TNNI3K: variants seen among roughly 807,000 people sequenced by gnomAD.
The protein encoded by TNNI3K is serine/threonine-protein kinase TNNI3K.
In TNNI3K, 140 loss-of-function variants were observed where a neutral mutation model predicts 114.5. The ratio of observed to expected loss-of-function variants is 1.22; its 90% CI spans 1.07 to 1.41. The LOEUF (loss-of-function observed/expected upper bound fraction) is 1.41. Among genes scored for constraint, TNNI3K ranks in the 40% most tolerant of loss-of-function variants. The probability of loss-of-function intolerance (pLI) is 0.00; values close to 1 mark genes in which losing one functional copy is unlikely to be tolerated. For missense variants in TNNI3K, 1,125 were observed against 1,007.6 expected (o/e 1.12, Z -1.58); for synonymous variants, 347 against 347.5 (o/e 1.00, Z 0.02).
intron 21 of TNNI3K, among the ~76,000 whole-genome samples, chr1:74,474,803 C>G (rs1668109770): frequency 6.6e-6 from 1 of 151,974 alleles, no homozygotes; most frequent in Non-Finnish European, 1.5e-5. Flanking sequence ...TCATCCCTGA[C>G]AGCTCAGCAA....
chr1:74,281,081 G>A (rs1466581247), intron 5 of TNNI3K, among the ~76,000 whole-genome samples: 2 of 152,120 alleles, frequency 1.3e-5, no homozygotes, highest in African/African-American at 4.8e-5. Context: ...GGACAGAAGG[G>A]AACCCAGTGC....
intron 17 of TNNI3K, chr1:74,373,332 T>A (rs940966511): frequency 1.3e-5 from 2 of 151,930 alleles, no homozygotes; most frequent in African/African-American, 4.8e-5. Flanking sequence ...GCATTAATCT[T>A]TTCTCAGGCT....
chr1:74,470,000 C>A (rs1032111467), intron 21 of TNNI3K: 8 of 400,580 alleles, frequency 2.0e-5, no homozygotes, highest in African/African-American at 1.6e-4. Flanking sequence ...TCATTTTCTG[C>A]CTCAAAACTG....
rs45606732 is a variant in TNNI3K at position 74,543,970 on chromosome 1, G to A, written c.2496G>A (p.Glu832=). The change falls in exon 25 of 25, where the codon GAG becomes GAA. Residue 832 remains glutamate, a synonymous_variant. Coordinates refer to ENST00000326637, the MANE Select transcript of TNNI3K (RefSeq NM_015978.3). The part of the protein sequence containing the change: ...FHSCRNSSSF[E]DSS ...CTTGCCGAAATAGTAGCAGCTTTGA[G>A]GACAGCAGCTGACAGCATTCGGCGT... is the stretch of plus-strand genomic sequence containing the variant. 4.8e-5 allele frequency: 77 copies of A among 1,612,952 alleles called. No homozygotes were observed. In the African/African-American group the frequency reaches 8.3e-4, roughly 17 times the overall value.
At chr1:74,391,957 ATTTTTTTT>A (rs34656417) in intron 17 of TNNI3K, among the ~76,000 whole-genome samples, 1 of 92,990 alleles carries the variant, frequency 1.1e-5, no homozygotes, top group Non-Finnish European at 2.2e-5. Flanking sequence ...ACAGCTTATT[ATTTTTTTT>A]TTTTTTTTTT....
At chr1:74,291,447 G>A (rs1315230826) in intron 5 of TNNI3K, among the ~76,000 whole-genome samples, 2 of 151,502 alleles carry the variant, frequency 1.3e-5, no homozygotes, top group African/African-American at 4.8e-5. Flanking sequence ...TACAAGGGAA[G>A]GTTCTAAGCA....
chr1:74,380,973 AT>A (rs1317452907), intron 17 of TNNI3K, among the ~76,000 whole-genome samples: 1 of 152,132 alleles, frequency 6.6e-6, no homozygotes, highest in Non-Finnish European at 1.5e-5. Context: ...ATAAGTGGAA[AT>A]TTGTTTCTAA....
intron 17 of TNNI3K, among the ~76,000 whole-genome samples, chr1:74,387,181 A>T (rs1361590): frequency 0.083 from 12,679 of 152,222 alleles, 555 homozygotes; most frequent in Non-Finnish European, 0.1. Context: ...TTTATGATAC[A>T]TGTTTTCTAT....
chr1:74,351,547 T>G (rs557794095), intron 9 of TNNI3K, among the ~76,000 whole-genome samples: 1 of 152,334 alleles, frequency 6.6e-6, no homozygotes, highest in African/African-American at 2.4e-5. Context: ...TCCTGGATAA[T>G]ATCCTGCAGA....
At chr1:74,405,662 G>C (rs1162062266) in intron 17 of TNNI3K, among the ~76,000 whole-genome samples, 2 of 152,080 alleles carry the variant, frequency 1.3e-5, no homozygotes, top group African/African-American at 4.8e-5. Flanking sequence ...GATTAAAGAG[G>C]CTAGTTAGAT....
intron 5 of TNNI3K, among the ~76,000 whole-genome samples, chr1:74,282,929 A>G (rs941076125): frequency 2.0e-5 from 3 of 152,202 alleles, no homozygotes; most frequent in Non-Finnish European, 2.9e-5. Context: ...AGGGCCAAAT[A>G]TGCCAGCCGA....
intron 21 of TNNI3K, among the ~76,000 whole-genome samples, chr1:74,483,687 GT>G (rs1668611227): frequency 1.3e-5 from 2 of 152,156 alleles, no homozygotes; most frequent in Admixed American, 1.3e-4. Flanking sequence ...ATCTTACTTA[GT>G]TCTTTTAATT....
At chr1:74,353,440 G>T in intron 10 of TNNI3K, 80 bp downstream of exon 10, 1 of 1,493,052 alleles carries the variant, frequency 6.7e-7, no homozygotes, top group Non-Finnish European at 9.2e-7. Context: ...GGATGTGGGG[G>T]CATTGGGAGT....
At chr1:74,367,216 A>C (rs1444406204) in intron 11 of TNNI3K, 40 bp from the exon 12 acceptor site, 1 of 1,603,160 alleles carries the variant, frequency 6.2e-7, no homozygotes, top group Non-Finnish European at 8.5e-7. Flanking sequence ...TAACTTAAAC[A>C]AAATTTAGGA....
At chr1:74,261,347 G>A (rs893699425) in intron 4 of TNNI3K, among the ~76,000 whole-genome samples, 2 of 151,892 alleles carry the variant, frequency 1.3e-5, no homozygotes, top group Non-Finnish European at 2.9e-5. Flanking sequence ...TATACTTTGG[G>A]TACTATATGT....
intron 21 of TNNI3K, among the ~76,000 whole-genome samples, chr1:74,474,385 T>G (rs949831233): frequency 6.6e-6 from 1 of 152,142 alleles, no homozygotes; most frequent in Non-Finnish European, 1.5e-5. Context: ...AGTGTGGGAA[T>G]GCAATGGAAT....
At chr1:74,379,305 C>T (rs1381397970) in intron 17 of TNNI3K, among the ~76,000 whole-genome samples, 1 of 144,962 alleles carries the variant, frequency 6.9e-6, no homozygotes, top group Non-Finnish European at 1.5e-5. Context: ...ATCTCATGCA[C>T]TATATGTCAG....
intron 17 of TNNI3K, among the ~76,000 whole-genome samples, chr1:74,401,291 T>A (rs540219480): frequency 2.0e-5 from 3 of 152,358 alleles, no homozygotes; most frequent in African/African-American, 7.2e-5. Flanking sequence ...TTCTTTGCAA[T>A]GTTCTAAAGC....
chr1:74,489,752 A>T (rs1668956746), intron 22 of TNNI3K, among the ~76,000 whole-genome samples: 1 of 152,180 alleles, frequency 6.6e-6, no homozygotes, highest in Non-Finnish European at 1.5e-5. Flanking sequence ...TTCTTGCCTT[A>T]TTAAAGCTGT....
Sources: allele counts gnomAD v4.1 joint callset (sites outside exome capture counted in the v4.1 genomes callset), GRCh38; gene constraint gnomAD v4.1.1; transcripts MANE v1.5; gene names NCBI Gene and HGNC (gene_info 2026-07-23, HGNC 2026-07-21).